The following RAP1GAP2 variants were observed in gnomAD, a reference collection of about 807,000 sequenced individuals.
RAP1GAP2 encodes rap1 GTPase-activating protein 2.
RAP1GAP2 carries 27 observed loss-of-function variants against 95.0 expected under a neutral mutation model. The observed-to-expected ratio is 0.28, with a 90% CI of 0.21 to 0.39. RAP1GAP2 has a LOEUF of 0.39. RAP1GAP2 is among the 10% of genes least tolerant of loss of function. The probability of loss-of-function intolerance (pLI) is 1.00; values close to 1 mark genes in which losing one functional copy is unlikely to be tolerated. For missense variants in RAP1GAP2, 771 were observed against 970.0 expected, an observed-to-expected ratio of 0.79 and a Z score of 2.72; for synonymous variants, 373 against 380.9, an observed-to-expected ratio of 0.98 and a Z score of 0.24.
chr17:2,997,005 T>C (rs1428377547), intron 13 of RAP1GAP2, among the ~76,000 whole-genome samples: 1 of 152,142 alleles, frequency 6.6e-6, no homozygotes, highest in Admixed American at 6.5e-5. Context: ...AGGAGGGCTG[T>C]CACTCTCTCA....
At chr17:3,020,056 A>C (rs1597890495) in intron 18 of RAP1GAP2, among the ~76,000 whole-genome samples, 1 of 152,148 alleles carries the variant, frequency 6.6e-6, no homozygotes. Context: ...AGGAGTCCTC[A>C]CCCTGCCAGT....
intron 1 of RAP1GAP2, among the ~76,000 whole-genome samples, chr17:2,784,627 G>A (rs12452033): frequency 0.014 from 2,181 of 152,312 alleles, 133 homozygotes; most frequent in Admixed American, 0.12. Flanking sequence ...CCTGGCCACA[G>A]GTGAGGCTTG....
chr17:3,017,040 CAG>C (rs1391318599), intron 17 of RAP1GAP2, among the ~76,000 whole-genome samples: 1 of 152,122 alleles, frequency 6.6e-6, no homozygotes, highest in Non-Finnish European at 1.5e-5. Context: ...CCTTTGGAGC[CAG>C]AGAGAGCATC....
intron 12 of RAP1GAP2, among the ~76,000 whole-genome samples, chr17:2,994,396 G>A (rs2045883408): frequency 6.6e-6 from 1 of 152,154 alleles, no homozygotes. Flanking sequence ...AAGGCAGAAG[G>A]GACAACTCCT....
chr17:3,006,917 A>T (rs1004383996), intron 16 of RAP1GAP2, among the ~76,000 whole-genome samples: 3 of 152,144 alleles, frequency 2.0e-5, no homozygotes, highest in South Asian at 4.1e-4. Context: ...GATGGAGGTC[A>T]GCACAGCTCA....
chr17:2,888,817 A>ATTTTT (rs58533003), intron 2 of RAP1GAP2, among the ~76,000 whole-genome samples: 1 of 130,496 alleles, frequency 7.7e-6, no homozygotes. Context: ...CGCCCAGCTA[A>ATTTTT]TTTTTTTTTT....
intron 2 of RAP1GAP2, among the ~76,000 whole-genome samples, chr17:2,802,863 C>T (rs577413853): frequency 6.6e-6 from 1 of 152,260 alleles, no homozygotes; most frequent in Non-Finnish European, 1.5e-5. Flanking sequence ...AGTGCAGACC[C>T]ATTCAATCTG....
At chr17:2,770,526 C>G in intron 2 of RAP1GAP2, 1 of 398,036 alleles carries the variant, frequency 2.5e-6, no homozygotes, top group African/African-American at 2.1e-5. Context: ...AAGTGAGCTC[C>G]GCACTGGTCC....
chr17:2,780,467 G>T (rs1366194650), intron 1 of RAP1GAP2, among the ~76,000 whole-genome samples: 1 of 152,276 alleles, frequency 6.6e-6, no homozygotes, highest in Non-Finnish European at 1.5e-5. Context: ...GATTGGAGAA[G>T]GTCCACAGGT....
upstream of RAP1GAP2, among the ~76,000 whole-genome samples, chr17:2,772,855 CTTTTTTTTTTT>C (rs773565092): frequency 1.6e-5 from 2 of 126,040 alleles, no homozygotes; most frequent in Non-Finnish European, 3.4e-5. Context: ...TTCTTTCTTT[CTTTTTTTTTTT>C]TTTTTTTTTG....
chr17:2,935,279 A>G (rs186363530), intron 3 of RAP1GAP2, among the ~76,000 whole-genome samples: 1 of 152,288 alleles, frequency 6.6e-6, no homozygotes, highest in East Asian at 1.9e-4. Context: ...AGGCCGCAGC[A>G]GGTGGATCAC....
At chr17:2,787,257 T>G (rs2068807209) in intron 1 of RAP1GAP2, among the ~76,000 whole-genome samples, 1 of 151,664 alleles carries the variant, frequency 6.6e-6, no homozygotes, top group South Asian at 2.1e-4. Context: ...AGCTTTGGTT[T>G]TTTTTTTTTT....
chr17:2,967,420 G>A (rs530099618), intron 8 of RAP1GAP2, among the ~76,000 whole-genome samples: 17 of 152,296 alleles, frequency 1.1e-4, no homozygotes, highest in African/African-American at 3.8e-4. Context: ...AAAAAGCAAT[G>A]TCGTATGGGA....
At chr17:3,014,483 A>C (rs1288126747) in intron 17 of RAP1GAP2, among the ~76,000 whole-genome samples, 1 of 151,606 alleles carries the variant, frequency 6.6e-6, no homozygotes, top group Non-Finnish European at 1.5e-5. Flanking sequence ...TTAGTTTGGA[A>C]TGTCATGATT....
intron 2 of RAP1GAP2, among the ~76,000 whole-genome samples, chr17:2,809,932 C>A (rs1467362745): frequency 6.6e-6 from 1 of 152,122 alleles, no homozygotes; most frequent in Non-Finnish European, 1.5e-5. Context: ...CTTCCTCCCG[C>A]TGGCTCCTCT....
At chr17:2,932,881 G>A (rs1018055265) in intron 3 of RAP1GAP2, among the ~76,000 whole-genome samples, 1 of 150,576 alleles carries the variant, frequency 6.6e-6, no homozygotes, top group African/African-American at 2.4e-5. Context: ...TTCCATGTCT[G>A]GTCTGTGATG....
rs1028981769 is a variant in RAP1GAP2 at position 3,035,060 on chromosome 17, C to T, written c.*1699C>T. 2.6e-5 allele frequency: 4 copies of T among 151,754 alleles called. No individual in the cohort carries two copies. Among genetic ancestry groups the T allele is most frequent in the African/African-American group, 4.9e-5 (2 of 41,174 alleles). 9.4% of individuals were successfully genotyped at this position (151,754 alleles called of 1,614,324 possible). On this transcript the variant is annotated 3_prime_UTR_variant, in exon 25 of 25. Transcript: ENST00000254695. This position sits in a 1 kb window ranked among gnomAD's most constrained non-coding sequence, Gnocchi z 4.3. ...AAGCAACATTGTGATCTTTCTTCCC[C>T]GCCACGTGTGTGGGAATGATTGAGT...
chr17:2,999,781 TAAA>T lies in RAP1GAP2; in HGVS notation c.1200+1418_1200+1420del, dbSNP rs527596504. Among the ~76,000 whole-genome samples the T allele has an allele frequency of 1.3e-3, 169 of 126,734 alleles. 3 individuals carry two copies. Among genetic ancestry groups the T allele is most frequent in the African/African-American group, 3.1e-3 (114 of 36,656 alleles). The allele number at this position is 126,734 out of a possible 152,430, so 83.1% of individuals were successfully genotyped here. ...GGGCAACATAGCGAGACCCTGTCTCTAAAAAAAAAAAAAAACAGAACAAAACAA... is the reference window on the plus strand; with the variant it reads ...GGGCAACATAGCGAGACCCTGTCTCTAAAAAAAAAAAACAGAACAAAACAA... On this transcript the variant is annotated intron_variant, in intron 14 of 24. Coordinates refer to ENST00000254695, the MANE Select transcript of RAP1GAP2 (RefSeq NM_015085.5).
intron 2 of RAP1GAP2, among the ~76,000 whole-genome samples, chr17:2,837,253 GAAAA>G (rs35688344): frequency 8.9e-6 from 1 of 112,756 alleles, no homozygotes; most frequent in Non-Finnish European, 1.9e-5. Context: ...TCTGTCTCTG[GAAAA>G]AAAAAAAAAA....
Sources: gnomAD v4.1 joint callset for allele counts (sites outside exome capture counted in the v4.1 genomes callset) on GRCh38, gnomAD v4.1.1 for gene constraint, Gnocchi (gnomAD v3.1) non-coding constraint, MANE v1.5 for transcripts, NCBI Gene and HGNC (gene_info 2026-07-23, HGNC 2026-07-21) for gene names.